The following KCNK15 variants were observed in gnomAD, a reference collection of about 807,000 sequenced individuals.
The protein encoded by KCNK15 is potassium channel subfamily K member 15.
In KCNK15, 9 loss-of-function variants were observed where a neutral mutation model predicts 8.5. The observed-to-expected ratio is 1.06, with a 90% confidence interval of 0.64 to 1.85. The LOEUF (loss-of-function observed/expected upper bound fraction) is 1.85, where lower values mean the gene tolerates loss of function less well. Ranked by LOEUF, KCNK15 falls within the 40% of genes most tolerant of loss-of-function variation. The pLI is 0.00. For synonymous variants in KCNK15, 224 were observed against 232.7 expected, an observed-to-expected ratio of 0.96 and a Z score of 0.34; for missense variants, 467 against 476.8, an observed-to-expected ratio of 0.98 and a Z score of 0.19.
chr20:44,748,794 C>T (rs2066017273), intron 1 of KCNK15, among the ~76,000 whole-genome samples: 3 of 152,164 alleles, frequency 2.0e-5, no homozygotes, highest in Non-Finnish European at 2.9e-5. Flanking sequence ...CTGTCCTGTG[C>T]ATTGCAAGAT....
At position 44,746,044 on chromosome 20, in the gene KCNK15, G is replaced by C. The variant is rs1398951908; in HGVS notation, c.134G>C (p.Arg45Pro). ...SGRQRLLVQK[R>P]GALRRKFGFS... ...CGCCAGCGACTGCTGGTCCAGAAGC[G>C]GGGCGCTCTCCGGAGGAAGTTCGGC... Residue 45 changes from arginine to proline, a missense_variant, in exon 1 of 2, where the codon CGG becomes CCG. Physicochemically the swap from Arg to Pro is moderately radical, Grantham distance 103. Around this residue, in one of 2 missense-constraint regions of KCNK15, gnomAD observed 455 missense variants for 441.2 expected, o/e 1.03. Transcript: ENST00000372861. 6.5e-7 allele frequency: 1 copy of C among 1,549,018 alleles called. No homozygotes were observed. The highest frequency in any genetic ancestry group is 8.7e-7 in the Non-Finnish European group (1 of 1,147,282).
chr20:44,750,992 C>A lies in KCNK15; in HGVS notation c.*154C>A. ...TTACTGTCTGTGGCTAAGTCCCCTC[C>A]CTCCTTTCCAAAAATATATTACAGT... is the stretch of plus-strand genomic sequence containing the variant. On this transcript the variant is annotated 3_prime_UTR_variant, in exon 2 of 2. Coordinates refer to ENST00000372861, the MANE Select transcript of KCNK15 (RefSeq NM_022358.4). 2.0e-6 allele frequency: 1 copy of A among 501,508 alleles called. No homozygotes were observed. The highest frequency in any genetic ancestry group is 3.3e-6 in the Non-Finnish European group (1 of 300,970). The allele number at this position is 501,508 out of a possible 1,614,324, so 31.1% of individuals were successfully genotyped here.
At chr20:44,749,901 A>C (rs1210676781) in intron 1 of KCNK15, among the ~76,000 whole-genome samples, 2 of 152,222 alleles carry the variant, frequency 1.3e-5, no homozygotes, top group African/African-American at 4.8e-5. Context: ...TTGCTGAAAA[A>C]AATTGGTGTT....
intron 1 of KCNK15, chr20:44,747,261 C>G (rs2066011432): frequency 6.6e-6 from 1 of 152,226 alleles, no homozygotes; most frequent in Non-Finnish European, 1.5e-5. Flanking sequence ...ATTGATTCCA[C>G]CTGTCCAAGC....
intron 1 of KCNK15, among the ~76,000 whole-genome samples, chr20:44,749,788 A>G (rs1264435289): frequency 2.0e-5 from 3 of 152,192 alleles, no homozygotes; most frequent in Non-Finnish European, 4.4e-5. Context: ...TGTCATTTAT[A>G]GGGAACCATG....
chr20:44,752,023 G>A lies in KCNK15; in HGVS notation c.*1185G>A, dbSNP rs528431208. The stretch of plus-strand genomic sequence containing the variant: ...TCCTGCCTTCCCACCACCCGTCCAG[G>A]AAGCAGTCATAAAGTGAAAGGGCTC... On this transcript the variant is annotated 3_prime_UTR_variant, in exon 2 of 2. Coordinates refer to ENST00000372861, the MANE Select transcript of KCNK15 (RefSeq NM_022358.4). 35 of 152,364 alleles carry A rather than the reference G, an allele frequency of 2.3e-4. No homozygotes were observed. Among genetic ancestry groups the A allele is most frequent in the African/African-American group, 7.9e-4 (33 of 41,558 alleles). 9.4% of individuals were successfully genotyped at this position (152,364 alleles called of 1,614,324 possible).
chr20:44,746,313 G>C (rs763043025), intron 1 of KCNK15, 120 bp downstream of exon 1: 1 of 903,648 alleles, frequency 1.1e-6, no homozygotes, highest in Admixed American at 4.2e-5. Context: ...GGTCATTTCG[G>C]CTCACCGAGC....
rs1250337257 is a variant in KCNK15, at chr20:44,746,001, TC to T, written c.93del (p.Glu32ArgfsTer89). ...VGAAVFDALE[S>X]EAESGRQRLL... ...CGCTGCTGTCTTCGACGCGCTCGAG[TC>T]CGAGGCGGAAAGCGGCCGCCAGCGA... is the stretch of plus-strand genomic sequence containing the variant. On this transcript the variant is annotated frameshift_variant, in exon 1 of 2. Coordinates refer to ENST00000372861, the MANE Select transcript of KCNK15 (RefSeq NM_022358.4). LOFTEE classifies it high-confidence loss of function. The T allele has an allele frequency of 6.5e-7, 1 of 1,531,680 alleles. No individual in the cohort carries two copies. Among genetic ancestry groups the T allele is most frequent in the Non-Finnish European group, 8.8e-7 (1 of 1,139,944 alleles). 94.9% of individuals were successfully genotyped at this position (1,531,680 alleles called of 1,614,324 possible).
In KCNK15 at chr20:44,750,442, C is replaced by T; in HGVS notation, c.597C>T (p.Thr199=). ...ACTACTGCTTCATCACCCTCACCACCATCGGCTTCGGCGACTTCGTGGCAC... is the reference window on the plus strand; with the variant it reads ...ACTACTGCTTCATCACCCTCACCACTATCGGCTTCGGCGACTTCGTGGCAC... ...AYYYCFITLT[T]IGFGDFVALQ... is the part of the protein sequence containing the mutation. Residue 199 remains threonine (T), a synonymous_variant, in exon 2 of 2, where the codon ACC becomes ACT. Transcript: ENST00000372861. 26 of 1,614,028 alleles carry T rather than the reference C, an allele frequency of 1.6e-5. No homozygotes were observed. The highest frequency in any genetic ancestry group is 2.2e-5 in the East Asian group (1 of 44,874).
At chr20:44,746,506 A>C in intron 1 of KCNK15, 1 of 280,054 alleles carries the variant, frequency 3.6e-6, no homozygotes, top group Non-Finnish European at 6.6e-6. Flanking sequence ...CGGGGCTGGG[A>C]GACCAAGTGG....
chr20:44,750,820 C>T lies in KCNK15; in HGVS notation c.975C>T (p.Ala325=), dbSNP rs2066028502. The change falls in exon 2 of 2, where the codon GCC becomes GCT. Residue 325 remains alanine, a synonymous_variant. Transcript: ENST00000372861. ...VRGGQAPRLG[A]RWKSI ...GCGGGCAGGCTCCCAGGCTTGGGGC[C>T]CGGTGGAAGTCCATCTGACAACCCC... The T allele has an allele frequency of 1.4e-6, 2 of 1,469,284 alleles. No individual in the cohort carries two copies. The highest frequency in any genetic ancestry group is 1.8e-6 in the Non-Finnish European group (2 of 1,114,094). The allele number at this position is 1,469,284 out of a possible 1,614,324, so 91.0% of individuals were successfully genotyped here.
chr20:44,749,642 A>C (rs534141624), intron 1 of KCNK15, among the ~76,000 whole-genome samples: 1 of 152,250 alleles, frequency 6.6e-6, no homozygotes, highest in Admixed American at 6.5e-5. Flanking sequence ...AACTGCAGCC[A>C]CGGTCAAGAC....
At position 44,750,294 on chromosome 20, in the gene KCNK15, G is replaced by T; in HGVS notation, c.449G>T (p.Arg150Leu). 6.2e-7 allele frequency: 1 copy of T among 1,606,058 alleles called. No homozygotes were observed. The highest frequency in any genetic ancestry group is 8.5e-7 in the Non-Finnish European group (1 of 1,177,230). Residue 150 changes from arginine to leucine, a missense_variant, in exon 2 of 2, where the codon CGG (arginine) becomes CTG (leucine). Physicochemically the swap from Arg to Leu is moderately radical, Grantham distance 102 (BLOSUM62 -2). Transcript: ENST00000372861. ...GCGGCCAAGTGCTGCCTGGGCCTGC[G>T]GTGGACGTGCGTGTCCACGGAGAAC... Reference protein sequence around the residue: ...LLAAKCCLGLRWTCVSTENLV... With the variant: ...LLAAKCCLGLLWTCVSTENLV...
intron 1 of KCNK15, among the ~76,000 whole-genome samples, chr20:44,748,252 G>A (rs932087954): frequency 2.0e-5 from 3 of 152,014 alleles, no homozygotes; most frequent in East Asian, 3.9e-4. Context: ...TCTGGTCTAC[G>A]TCAGGCTCTG....
At chr20:44,746,276 C>G (rs1363918474) in intron 1 of KCNK15, 83 bp downstream of exon 1, 1 of 1,236,420 alleles carries the variant, frequency 8.1e-7, no homozygotes, top group Non-Finnish European at 1.0e-6. Context: ...CCACCTCTGC[C>G]CCCGCCCAGC....
rs770590872 is a variant in KCNK15, at chr20:44,750,371, G to A, written c.526G>A (p.Val176Ile). Residue 176 changes from valine to isoleucine, a missense_variant, in exon 2 of 2, where the codon GTC becomes ATC. By Grantham distance (29) the Val-to-Ile change is conservative. This residue lies in a region of KCNK15 where 455 missense variants were observed against 441.2 expected (regional missense o/e 1.03). Transcript: ENST00000372861. ...TGCCGCCACCCTGGCCCTCGGGGCC[G>A]TCGCCTTCTCGCACTTCGAGGGCTG... is the stretch of plus-strand genomic sequence containing the variant. ...ACAATLALGA[V>I]AFSHFEGWTF... 2.5e-6 allele frequency: 4 copies of A among 1,613,524 alleles called. No homozygotes were observed. The South Asian group carries it at 3.3e-5, about 13-fold the overall frequency.
Position 44,751,416 on chromosome 20 carries a change from A to G in KCNK15, c.*578A>G, listed in dbSNP as rs1379153421. On this transcript the variant is annotated 3_prime_UTR_variant, in exon 2 of 2. Transcript: ENST00000372861. ...GTGAATGATGGCCTCTTTCCCCCAG[A>G]CAGCTGATGCTCTTTGTCCCTGGCC... 1.3e-5 allele frequency: 2 copies of G among 152,180 alleles called. No homozygotes were observed. Among genetic ancestry groups the G allele is most frequent in the Non-Finnish European group, 2.9e-5 (2 of 68,052 alleles). The allele number at this position is 152,180 out of a possible 1,614,324, so 9.4% of individuals were successfully genotyped here.
At chr20:44,749,971 G>A (rs1224936999) in intron 1 of KCNK15, among the ~76,000 whole-genome samples, 158 bp from the exon 2 acceptor site, 1 of 152,254 alleles carries the variant, frequency 6.6e-6, no homozygotes, top group Non-Finnish European at 1.5e-5. Context: ...GTTGTCTGAA[G>A]TTTGGGGTGA....
rs2145436740 is a variant in KCNK15 at position 44,750,636 on chromosome 20, G to A, written c.791G>A (p.Arg264His). Reference protein sequence around the residue: ...PERAARTPSPRPPGAPESRGL... With the variant: ...PERAARTPSPHPPGAPESRGL... ...CGCGCTGCCCGCACCCCCAGCCCGC[G>A]CCCCCCGGGGGCGCCCGAGAGCCGT... The change falls in exon 2 of 2, where the codon CGC (arginine) becomes CAC (histidine). Residue 264 changes from arginine to histidine, a missense_variant. By Grantham distance (29) the Arg-to-His change is conservative. Transcript: ENST00000372861. The A allele has an allele frequency of 6.4e-7, 1 of 1,567,616 alleles. No individual in the cohort carries two copies. Among genetic ancestry groups the A allele is most frequent in the Non-Finnish European group, 8.6e-7 (1 of 1,163,752 alleles).
Sources: gnomAD v4.1 joint callset for allele counts (sites outside exome capture counted in the v4.1 genomes callset) on GRCh38, gnomAD v4.1.1 for gene constraint, gnomAD v4.1.1 regional missense constraint, MANE v1.5 for transcripts, NCBI Gene and HGNC (gene_info 2026-07-23, HGNC 2026-07-21) for gene names.